PKHD1: variants seen among roughly 807,000 people sequenced by gnomAD.
PKHD1 encodes PKHD1 ciliary IPT domain containing fibrocystin/polyductin, also known as fibrocystin.
A neutral mutation model predicts 412.0 loss-of-function variants in PKHD1; 291 were observed. The ratio of observed to expected loss-of-function variants is 0.71; its 90% CI spans 0.64 to 0.78. The LOEUF (loss-of-function observed/expected upper bound fraction) is 0.78, where lower values mean the gene tolerates loss of function less well. Ranked by LOEUF, PKHD1 falls within the 30% of genes least tolerant of loss-of-function variation. The probability of loss-of-function intolerance (pLI) is 0.00; values close to 1 mark genes in which losing one functional copy is unlikely to be tolerated. For synonymous variants in PKHD1, 1,777 were observed against 1,821.5 expected (o/e 0.98, Z 0.62); for missense variants, 4,825 against 4,950.7 (o/e 0.97, Z 0.76).
In PKHD1 at chr6:51,883,201, C is replaced by A; in HGVS notation, c.7242G>T (p.Leu2414=). The A allele has an allele frequency of 6.2e-7, 1 of 1,613,226 alleles. No individual in the cohort carries two copies. Among genetic ancestry groups the A allele is most frequent in the Non-Finnish European group, 8.5e-7 (1 of 1,179,214 alleles). The change falls in exon 46 of 67, where the codon CTG becomes CTT. Residue 2414 remains leucine (L), a synonymous_variant. Coordinates refer to ENST00000371117, the MANE Select transcript of PKHD1 (RefSeq NM_138694.4). ...AQIFRSSNLR[L]KNFKVYSCRD... ...TGCATGAATAAACTTTGAAGTTTTT[C>A]AGGCGAAGATTGCTACTTCTAAAAA...
chr6:52,018,772 C>T (rs1187153350), intron 33 of PKHD1, among the ~76,000 whole-genome samples: 1 of 152,154 alleles, frequency 6.6e-6, no homozygotes, highest in African/African-American at 2.4e-5. Flanking sequence ...GCCTCAGCCT[C>T]AAAAAGTGCT....
Position 52,026,026 on chromosome 6 carries a change from C to T in PKHD1, c.3784G>A (p.Ala1262Thr), listed in dbSNP as rs773551693. ...TCCACGGCAGCTGGAACAGTGGGAG[C>T]GCCCGCATCGGGTATCTGGGGGGCT... ...LPAPQIPDAG[A>T]PTVPAAVEVW... The change falls in exon 32 of 67, where the codon GCT becomes ACT. Residue 1262 changes from alanine to threonine, a missense_variant. By Grantham distance (58) the Ala-to-Thr change is moderately conservative. Coordinates refer to ENST00000371117, the MANE Select transcript of PKHD1 (RefSeq NM_138694.4). The T allele has an allele frequency of 1.2e-5, 20 of 1,614,034 alleles. No homozygotes were observed. The East Asian group carries it at 2.9e-4, about 23-fold the overall frequency.
chr6:51,665,914 G>C (rs1474717801), intron 60 of PKHD1, among the ~76,000 whole-genome samples: 1 of 152,138 alleles, frequency 6.6e-6, no homozygotes, highest in Non-Finnish European at 1.5e-5. Context: ...GCAGGAAGGA[G>C]GGCAGAGAGT....
At chr6:52,014,572 CATGG>C (rs1418638293) in intron 34 of PKHD1, among the ~76,000 whole-genome samples, 1 of 142,266 alleles carries the variant, frequency 7.0e-6, no homozygotes, top group Non-Finnish European at 1.5e-5. Context: ...ACAGATGGAT[CATGG>C]ATGGATGGAT....
At chr6:51,963,795 CA>C (rs1271194174) in intron 35 of PKHD1, among the ~76,000 whole-genome samples, 3 of 152,004 alleles carry the variant, frequency 2.0e-5, no homozygotes, top group Non-Finnish European at 4.4e-5. Context: ...CTGTTGATAC[CA>C]ACATATTTTT....
chr6:52,045,117 T>C (rs769248019), intron 24 of PKHD1, 29 bp from the exon 25 acceptor site: 2 of 1,611,618 alleles, frequency 1.2e-6, no homozygotes, highest in African/African-American at 2.7e-5. Flanking sequence ...TGGTAAATTC[T>C]GTCATGGAAC....
chr6:51,741,981 T>C (rs7773972), intron 60 of PKHD1, among the ~76,000 whole-genome samples: 1,547 of 152,330 alleles, frequency 0.01, 26 homozygotes, highest in African/African-American at 0.035. Context: ...TATTTTAACA[T>C]ATCAGAATGT....
At chr6:51,688,510 CA>C (rs545113681) in intron 60 of PKHD1, among the ~76,000 whole-genome samples, 55 of 138,126 alleles carry the variant, frequency 4.0e-4, no homozygotes, top group South Asian at 2.7e-3. Flanking sequence ...GAAACACACA[CA>C]AAAAAAAAAA....
At position 52,060,014 on chromosome 6, in the gene PKHD1, G is replaced by A; in HGVS notation, c.1147C>T (p.Pro383Ser). Reference sequence around the variant, plus strand: ...CAGAAAGTGTAATTATTTGTCTCTGGAGCCACAAAGAACCCACTGAGCCGT... The same window carrying A: ...CAGAAAGTGTAATTATTTGTCTCTGAAGCCACAAAGAACCCACTGAGCCGT... ...RARLSGFFVA[P>S]ETNNYTFWIQ... Residue 383 changes from proline (P) to serine (S), a missense_variant, in exon 15 of 67, where the codon CCA (proline) becomes TCA (serine). Physicochemically the swap from Pro to Ser is moderately conservative, Grantham distance 74 (BLOSUM62 -1). Coordinates refer to ENST00000371117, the MANE Select transcript of PKHD1 (RefSeq NM_138694.4). 2 of 1,609,988 alleles carry A rather than the reference G, an allele frequency of 1.2e-6. No individual in the cohort carries two copies. The highest frequency in any genetic ancestry group is 1.7e-5 in the Admixed American group (1 of 60,006).
rs1808171136 is a variant in PKHD1, at chr6:52,058,619, T to A, written c.1234-18A>T. The A allele has an allele frequency of 6.2e-7, 1 of 1,612,580 alleles. No individual in the cohort carries two copies. Among genetic ancestry groups the A allele is most frequent in the Non-Finnish European group, 8.5e-7 (1 of 1,179,428 alleles). ...ACTTTCACCTATGCCCAAATAAGCA[T>A]ATCATGATCAATACTATGCAGCTTC... On this transcript the variant is annotated intron_variant, in intron 15 of 66. Transcript: ENST00000371117.
intron 60 of PKHD1, among the ~76,000 whole-genome samples, chr6:51,708,558 G>T (rs749926068): frequency 1.3e-4 from 20 of 152,158 alleles, no homozygotes; most frequent in Non-Finnish European, 2.6e-4. Context: ...TGGGAACTGA[G>T]ATTTCATGTT....
intron 37 of PKHD1, among the ~76,000 whole-genome samples, chr6:51,913,369 AC>A (rs1182117981): frequency 6.6e-6 from 1 of 152,082 alleles, no homozygotes; most frequent in Non-Finnish European, 1.5e-5. Context: ...TGTTTGTATT[AC>A]ACTCCAGCAT....
intron 35 of PKHD1, among the ~76,000 whole-genome samples, chr6:51,973,134 A>G (rs1418422959): frequency 6.6e-6 from 1 of 152,246 alleles, no homozygotes; most frequent in African/African-American, 2.4e-5. Flanking sequence ...TCATGTATTT[A>G]GTATACCAAA....
At chr6:52,035,500 C>T in intron 28 of PKHD1, 91 bp downstream of exon 28, 1 of 1,193,466 alleles carries the variant, frequency 8.4e-7, no homozygotes, top group South Asian at 1.2e-5. Flanking sequence ...TACATCAGTT[C>T]ATTTAGTTCT....
chr6:52,037,797 A>C (rs911316850), intron 27 of PKHD1, among the ~76,000 whole-genome samples: 3 of 152,222 alleles, frequency 2.0e-5, no homozygotes, highest in Admixed American at 2.0e-4. Context: ...TTTTTAATGC[A>C]AATAACCTCT....
At chr6:51,903,430 C>T (rs960093849) in intron 43 of PKHD1, among the ~76,000 whole-genome samples, 167 bp downstream of exon 43, 6 of 152,010 alleles carry the variant, frequency 3.9e-5, no homozygotes, top group African/African-American at 1.4e-4. Flanking sequence ...TTTTTCAGCT[C>T]ATCAGCTGTC....
chr6:52,063,515 A>G (rs937862248), intron 13 of PKHD1, among the ~76,000 whole-genome samples: 3 of 152,208 alleles, frequency 2.0e-5, no homozygotes, highest in African/African-American at 7.2e-5. Context: ...TTCCTCAACA[A>G]CTCCTAAAAG....
At chr6:51,705,310 T>C (rs1779892068) in intron 60 of PKHD1, among the ~76,000 whole-genome samples, 1 of 152,062 alleles carries the variant, frequency 6.6e-6, no homozygotes, top group African/African-American at 2.4e-5. Context: ...AAAATACCAG[T>C]CAATTTAGCA....
In PKHD1 at chr6:52,010,383, C is replaced by T; in HGVS notation, c.5677G>A (p.Glu1893Lys). The T allele has an allele frequency of 1.9e-6, 3 of 1,612,094 alleles. No homozygotes were observed. Among genetic ancestry groups the T allele is most frequent in the East Asian group, 2.2e-5 (1 of 44,864 alleles). The change falls in exon 35 of 67, where the codon GAG becomes AAG. Residue 1893 changes from glutamate to lysine, a missense_variant. Transcript: ENST00000371117. ...ATTGGCTGATTGGGCGTCTCACACTCCATCTCTGCCTCAGTTTCCATGGTA... is the reference window on the plus strand; with the variant it reads ...ATTGGCTGATTGGGCGTCTCACACTTCATCTCTGCCTCAGTTTCCATGGTA... ...NITMETEAEMECETPNQPITV... is the reference protein window; with the variant it reads ...NITMETEAEMKCETPNQPITV...
Sources: gnomAD v4.1 joint callset for allele counts (sites outside exome capture counted in the v4.1 genomes callset) on GRCh38, gnomAD v4.1.1 for gene constraint, MANE v1.5 for transcripts, NCBI Gene and HGNC (gene_info 2026-07-23, HGNC 2026-07-21) for gene names.